The following CCSER1 variants were observed in gnomAD, a reference collection of about 807,000 sequenced individuals.
CCSER1 encodes serine-rich coiled-coil domain-containing protein 1.
Under a neutral mutation model 82.0 loss-of-function variants are expected in CCSER1, and 41 were observed. That is an observed-to-expected ratio of 0.50 (90% CI 0.39 to 0.65). The LOEUF (loss-of-function observed/expected upper bound fraction) is 0.65. Ranked by LOEUF, CCSER1 falls within the 30% of genes least tolerant of loss-of-function variation. The probability of loss-of-function intolerance (pLI) is 0.00; values close to 1 mark genes in which losing one functional copy is unlikely to be tolerated. For missense variants in CCSER1, 1,119 were observed against 1,064.2 expected (o/e 1.05, Z -0.72); for synonymous variants, 414 against 383.9 (o/e 1.08, Z -0.92).
intron 6 of CCSER1, among the ~76,000 whole-genome samples, chr4:90,647,350 T>G (rs10014992): frequency 0.53 from 79,914 of 151,972 alleles, 21,340 homozygotes; most frequent in Admixed American, 0.59. Context: ...GTTGTTGTTG[T>G]TGTTTCTCAG....
intron 9 of CCSER1, among the ~76,000 whole-genome samples, chr4:91,052,153 T>C (rs1261266382): frequency 6.6e-6 from 1 of 152,062 alleles, no homozygotes; most frequent in Admixed American, 6.6e-5. Flanking sequence ...AGAACAGGAA[T>C]GTACTCCTTA....
intron 1 of CCSER1, among the ~76,000 whole-genome samples, chr4:90,208,286 A>G (rs564997099): frequency 2.6e-5 from 4 of 152,190 alleles, no homozygotes; most frequent in Admixed American, 6.5e-5. Context: ...ACTTCCCAGC[A>G]GCTTTGTTTA....
At chr4:90,144,747 C>T (rs551198446) in intron 1 of CCSER1, among the ~76,000 whole-genome samples, 1 of 152,154 alleles carries the variant, frequency 6.6e-6, no homozygotes, top group South Asian at 2.1e-4. Context: ...GATATTCAGA[C>T]TATGTAGTAT....
chr4:90,517,184 T>G (rs946297564), intron 5 of CCSER1, among the ~76,000 whole-genome samples: 1 of 152,198 alleles, frequency 6.6e-6, no homozygotes, highest in Non-Finnish European at 1.5e-5. Flanking sequence ...AGTTTGAGTA[T>G]CTCATGTAAT....
chr4:91,205,572 T>A (rs1028628587), intron 10 of CCSER1, among the ~76,000 whole-genome samples: 6 of 151,570 alleles, frequency 4.0e-5, no homozygotes, highest in African/African-American at 1.5e-4. Flanking sequence ...TCACTAATAC[T>A]TTTCCTTTAC....
chr4:90,729,130 G>T (rs981049940), intron 7 of CCSER1, among the ~76,000 whole-genome samples: 1 of 152,074 alleles, frequency 6.6e-6, no homozygotes, highest in African/African-American at 2.4e-5. Flanking sequence ...TCTTCATTAG[G>T]TTCTTATAAG....
At chr4:90,396,036 G>A (rs1014934916) in intron 3 of CCSER1, among the ~76,000 whole-genome samples, 7 of 151,976 alleles carry the variant, frequency 4.6e-5, no homozygotes, top group Non-Finnish European at 8.8e-5. Flanking sequence ...AGCCAAGATC[G>A]CACCCCTGCA....
intron 1 of CCSER1, among the ~76,000 whole-genome samples, chr4:90,164,018 G>A (rs1044882547): frequency 4.6e-5 from 7 of 152,056 alleles, no homozygotes; most frequent in African/African-American, 1.7e-4. Flanking sequence ...TTTATAGCTG[G>A]GTGTTTGCTG....
intron 3 of CCSER1, among the ~76,000 whole-genome samples, chr4:90,391,384 T>A (rs529034002): frequency 7.0e-6 from 1 of 142,780 alleles, no homozygotes; most frequent in African/African-American, 2.6e-5. Flanking sequence ...ATGTGATTAT[T>A]ACACATTGTA....
intron 6 of CCSER1, among the ~76,000 whole-genome samples, chr4:90,661,542 A>G (rs1730777035): frequency 6.6e-6 from 1 of 152,208 alleles, no homozygotes; most frequent in East Asian, 1.9e-4. Context: ...AGAAGGCTGA[A>G]GCGCAATATG....
intron 1 of CCSER1, among the ~76,000 whole-genome samples, chr4:90,132,127 A>C (rs1438861555): frequency 6.6e-6 from 1 of 152,226 alleles, no homozygotes; most frequent in Admixed American, 6.5e-5. Flanking sequence ...TACAAAAGTG[A>C]AAGCCTATTT....
intron 9 of CCSER1, among the ~76,000 whole-genome samples, chr4:91,021,895 C>A (rs1004369415): frequency 2.0e-5 from 3 of 151,934 alleles, no homozygotes; most frequent in Admixed American, 2.0e-4. Flanking sequence ...TATGCATAAA[C>A]AAATATATAG....
intron 5 of CCSER1, among the ~76,000 whole-genome samples, chr4:90,567,488 C>T (rs1221880371): frequency 4.6e-5 from 7 of 152,178 alleles, no homozygotes; most frequent in East Asian, 3.9e-4. Context: ...CGGGGTTTCT[C>T]CATGTTGGTC....
intron 1 of CCSER1, among the ~76,000 whole-genome samples, chr4:90,190,817 G>T (rs1735483830): frequency 6.6e-6 from 1 of 151,968 alleles, no homozygotes; most frequent in Admixed American, 6.6e-5. Flanking sequence ...TTGGCACCAA[G>T]GTTTTCTTCC....
At chr4:91,442,294 A>T (rs1385598392) in intron 10 of CCSER1, among the ~76,000 whole-genome samples, 7 of 152,152 alleles carry the variant, frequency 4.6e-5, no homozygotes, top group Non-Finnish European at 1.0e-4. Context: ...ATGGAACAGA[A>T]CAGAGCCCTC....
intron 9 of CCSER1, among the ~76,000 whole-genome samples, chr4:91,028,697 T>C (rs749589138): frequency 4.2e-5 from 6 of 144,160 alleles, no homozygotes; most frequent in Non-Finnish European, 9.3e-5. Context: ...GTTCCTTGAT[T>C]ATTCATGTGT....
At chr4:90,399,860 A>AT (rs1478656823) in intron 3 of CCSER1, among the ~76,000 whole-genome samples, 176 bp from the exon 4 acceptor site, 1 of 152,092 alleles carries the variant, frequency 6.6e-6, no homozygotes, top group African/African-American at 2.4e-5. Flanking sequence ...AAGTCTTGGA[A>AT]TTTTTTATTG....
intron 10 of CCSER1, among the ~76,000 whole-genome samples, chr4:91,269,776 C>T (rs563200135): frequency 1.7e-4 from 26 of 152,174 alleles, no homozygotes; most frequent in African/African-American, 5.5e-4. Flanking sequence ...CTTTAACTTC[C>T]AGAGGGTGTA....
intron 5 of CCSER1, among the ~76,000 whole-genome samples, chr4:90,555,187 T>C (rs909133983): frequency 6.6e-6 from 1 of 152,166 alleles, no homozygotes; most frequent in Admixed American, 6.5e-5. Flanking sequence ...GAAAACTACA[T>C]AGTAGCATTT....
Sources: allele counts gnomAD v4.1 joint callset (sites outside exome capture counted in the v4.1 genomes callset), GRCh38; gene constraint gnomAD v4.1.1; transcripts MANE v1.5; gene names NCBI Gene and HGNC (gene_info 2026-07-23, HGNC 2026-07-21).